Variants in LPP observed in about 807,000 individuals in gnomAD.
LPP encodes lipoma-preferred partner.
Under a neutral mutation model 60.4 loss-of-function variants are expected in LPP, and 38 were observed. That is an observed-to-expected ratio of 0.63 (90% CI 0.49 to 0.83). The LOEUF (loss-of-function observed/expected upper bound fraction) is 0.83. Among genes scored for constraint, LPP ranks in the 40% least tolerant of loss-of-function variants. LPP has a pLI of 0.00. For synonymous variants in LPP, 328 were observed against 290.8 expected, an observed-to-expected ratio of 1.13 and a Z score of -1.30; for missense variants, 902 against 783.6, an observed-to-expected ratio of 1.15 and a Z score of -1.80.
intron 7 of LPP, among the ~76,000 whole-genome samples, chr3:188,621,908 C>T (rs1845874054): frequency 6.6e-6 from 1 of 152,192 alleles, no homozygotes; most frequent in South Asian, 2.1e-4. Context: ...GATCCACCCA[C>T]TCTGGCCACC....
Position 188,304,000 on chromosome 3 carries a change from C to T in LPP, c.-66-37663C>T, listed in dbSNP as rs571467280. ...CCATAGAATGGAGGAAGTGCCCTGG[C>T]GGAAATCTACCCTACTTAACTGCCT... is the stretch of plus-strand genomic sequence containing the variant. On this transcript the variant is annotated intron_variant, in intron 2 of 11. Transcript: ENST00000617246. 1.4e-4 allele frequency among the ~76,000 whole-genome samples: 21 copies of T among 152,232 alleles called. No homozygotes were observed. The South Asian group carries it at 1.9e-3, about 14-fold the overall frequency.
rs533568116 is a variant in LPP at position 188,156,257 on chromosome 3, GGGA to G, written c.-190+2010_-190+2012del. On this transcript the variant is annotated intron_variant, in intron 1 of 11. Coordinates refer to ENST00000617246, the MANE Select transcript of LPP (RefSeq NM_001375462.1). Reference sequence around the variant, plus strand: ...AGAGTTGGTTTTGAGTGTACGCAGAGGGAGGAGAAGCTGAGCTGATGAGCTGAT... The same window carrying G: ...AGAGTTGGTTTTGAGTGTACGCAGAGGGAGAAGCTGAGCTGATGAGCTGAT... Among the ~76,000 whole-genome samples the G allele has an allele frequency of 1.5e-3, 229 of 152,274 alleles. 1 individual carries two copies. The highest frequency in any genetic ancestry group is 5.4e-3 in the African/African-American group (225 of 41,544).
At chr3:188,822,701 G>T (rs934817616) in intron 9 of LPP, among the ~76,000 whole-genome samples, 1 of 152,140 alleles carries the variant, frequency 6.6e-6, no homozygotes, top group Non-Finnish European at 1.5e-5. Context: ...GGCAGAGCTT[G>T]TCATTATGCC....
intron 4 of LPP, among the ~76,000 whole-genome samples, chr3:188,448,056 T>A (rs1163683688): frequency 2.6e-5 from 4 of 152,210 alleles, no homozygotes; most frequent in African/African-American, 7.2e-5. Context: ...AATATAAAGA[T>A]AATTTTTATA....
chr3:188,635,858 G>A (rs992319020), intron 7 of LPP, among the ~76,000 whole-genome samples: 7 of 152,126 alleles, frequency 4.6e-5, no homozygotes, highest in African/African-American at 1.4e-4. Context: ...TCCAGTCACC[G>A]GGCTGATAAA....
chr3:188,292,194 G>T (rs1216342800), intron 2 of LPP, among the ~76,000 whole-genome samples: 2 of 152,122 alleles, frequency 1.3e-5, no homozygotes. Context: ...TTTGCATGAG[G>T]TAATTAGGAA....
At chr3:188,235,449 G>C (rs1175346168) in intron 2 of LPP, among the ~76,000 whole-genome samples, 1 of 152,090 alleles carries the variant, frequency 6.6e-6, no homozygotes, top group Admixed American at 6.6e-5. Flanking sequence ...TTTTGTGGTG[G>C]GGATAAAATG....
At chr3:188,764,081 G>T (rs1733262868) in intron 9 of LPP, among the ~76,000 whole-genome samples, 2 of 152,076 alleles carry the variant, frequency 1.3e-5, no homozygotes, top group African/African-American at 4.8e-5. Context: ...AAATCAATGA[G>T]ATGCTTTTCT....
intron 8 of LPP, among the ~76,000 whole-genome samples, chr3:188,755,407 A>AT (rs1002974303): frequency 2.6e-5 from 4 of 152,176 alleles, no homozygotes; most frequent in Non-Finnish European, 4.4e-5. Context: ...TCTGTGGCTT[A>AT]TTTTTATCAG....
intron 2 of LPP, among the ~76,000 whole-genome samples, chr3:188,262,425 C>A (rs1293404395): frequency 6.6e-6 from 1 of 151,880 alleles, no homozygotes; most frequent in African/African-American, 2.4e-5. Flanking sequence ...GTAATCCCAC[C>A]CCTTACAGCT....
chr3:188,240,319 A>C (rs187352873), intron 2 of LPP, among the ~76,000 whole-genome samples: 3 of 151,740 alleles, frequency 2.0e-5, no homozygotes, highest in Admixed American at 1.3e-4. Context: ...TTGACTGCAT[A>C]AGAGTCAGGA....
intron 2 of LPP, among the ~76,000 whole-genome samples, chr3:188,272,323 G>A (rs1321826720): frequency 6.6e-6 from 1 of 152,162 alleles, no homozygotes; most frequent in East Asian, 1.9e-4. Flanking sequence ...GTGACACTGA[G>A]CTCATCAACT....
chr3:188,613,302 A>ATCTG (rs1355588529), intron 7 of LPP, among the ~76,000 whole-genome samples: 8 of 148,884 alleles, frequency 5.4e-5, no homozygotes, highest in African/African-American at 2.1e-4. Context: ...CTATATCTAT[A>ATCTG]TCTATATCTA....
chr3:188,574,226 T>A (rs1314146333), intron 6 of LPP, among the ~76,000 whole-genome samples: 1 of 152,154 alleles, frequency 6.6e-6, no homozygotes, highest in African/African-American at 2.4e-5. Flanking sequence ...ACGTATATAA[T>A]AACCGTCTGG....
intron 5 of LPP, among the ~76,000 whole-genome samples, chr3:188,503,254 T>C (rs1419905051): frequency 6.6e-6 from 1 of 152,146 alleles, no homozygotes; most frequent in Non-Finnish European, 1.5e-5. Context: ...ATTCTGTTCC[T>C]TTTTCAGTTG....
chr3:188,709,035 A>G (rs1191041084), intron 8 of LPP: 1 of 152,170 alleles, frequency 6.6e-6, no homozygotes, highest in East Asian at 1.9e-4. Context: ...ATTGTCTGAT[A>G]TCCAATTTCC....
At chr3:188,245,842 C>T (rs1726758463) in intron 2 of LPP, among the ~76,000 whole-genome samples, 1 of 152,088 alleles carries the variant, frequency 6.6e-6, no homozygotes, top group Admixed American at 6.5e-5. Flanking sequence ...ACACCCAGCC[C>T]AGCCCTGCTT....
intron 2 of LPP, among the ~76,000 whole-genome samples, chr3:188,303,157 G>A (rs545563133): frequency 8.5e-5 from 13 of 152,278 alleles, no homozygotes; most frequent in Admixed American, 7.8e-4. Context: ...TCCATAAGGT[G>A]TCTGTTGTAG....
rs1465818100 is a variant in LPP at position 188,879,243 on chromosome 3, T to A, written c.*4764T>A. 4.3e-6 allele frequency: 1 copy of A among 230,804 alleles called. No individual in the cohort carries two copies. Among genetic ancestry groups the A allele is most frequent in the East Asian group, 6.2e-5 (1 of 16,214 alleles). 14.3% of individuals were successfully genotyped at this position (230,804 alleles called of 1,614,324 possible). A position where few individuals can be genotyped will look rare whatever the true frequency, so the allele number is the denominator to read the frequency against. On this transcript the variant is annotated 3_prime_UTR_variant, in exon 12 of 12. Transcript: ENST00000617246. ...TATGACTTGGTAAGGATTCTTCCTC[T>A]CTTGCTTTCTTCCTCCCTTCCTTTC...
Sources: gnomAD v4.1 joint callset for allele counts (sites outside exome capture counted in the v4.1 genomes callset) on GRCh38, gnomAD v4.1.1 for gene constraint, MANE v1.5 for transcripts, NCBI Gene and HGNC (gene_info 2026-07-23, HGNC 2026-07-21) for gene names.